ITGA1: variants seen among roughly 807,000 people sequenced by gnomAD.
ITGA1 encodes integrin alpha-1.
Under a neutral mutation model 145.9 loss-of-function variants are expected in ITGA1, and 85 were observed. The observed-to-expected ratio is 0.58, with a 90% CI of 0.49 to 0.70. The LOEUF is 0.70. ITGA1 is among the 30% of genes least tolerant of loss of function. The probability of loss-of-function intolerance (pLI) is 0.00; values close to 1 mark genes in which losing one functional copy is unlikely to be tolerated. For missense variants in ITGA1, 1,351 were observed against 1,418.7 expected (o/e 0.95, Z 0.77); for synonymous variants, 520 against 495.3 (o/e 1.05, Z -0.66).
intron 24 of ITGA1, among the ~76,000 whole-genome samples, chr5:52,938,892 ATTTTTGTTG>A (rs1248021214): frequency 6.6e-6 from 1 of 150,472 alleles, no homozygotes; most frequent in East Asian, 2.0e-4. Context: ...TTGAACAAGT[ATTTTTGTTG>A]TTTTTGTTTC....
chr5:52,906,036 T>G (rs1156877419), intron 12 of ITGA1, 128 bp downstream of exon 12: 2 of 721,526 alleles, frequency 2.8e-6, no homozygotes, highest in Admixed American at 2.8e-5. Flanking sequence ...CAGGGCCCTG[T>G]GTTAGGTTCT....
At chr5:52,884,466 A>T (rs1363542402) in intron 7 of ITGA1, among the ~76,000 whole-genome samples, 2 of 148,230 alleles carry the variant, frequency 1.3e-5, no homozygotes, top group Admixed American at 6.7e-5. Flanking sequence ...AAAAAAAGCC[A>T]GAAAATCTAC....
rs1459469285 is a variant in ITGA1 at position 52,955,042 on chromosome 5, G to A, written c.*2591G>A. On this transcript the variant is annotated 3_prime_UTR_variant, in exon 29 of 29. Transcript: ENST00000282588. The stretch of plus-strand genomic sequence containing the variant: ...AAAAGTTTCTTTTTCTCTAACTTTG[G>A]TATTCTAAATAATTGATTATTGCTC... The A allele has an allele frequency of 4.6e-5, 7 of 151,722 alleles. No homozygotes were observed. The highest frequency in any genetic ancestry group is 1.7e-4 in the African/African-American group (7 of 41,234). The allele number at this position is 151,722 out of a possible 1,614,324, so 9.4% of individuals were successfully genotyped here.
At position 52,954,858 on chromosome 5, in the gene ITGA1, A is replaced by G. The variant is rs996293709; in HGVS notation, c.*2407A>G. 6.6e-6 allele frequency: 1 copy of G among 152,210 alleles called. No homozygotes were observed. The highest frequency in any genetic ancestry group is 1.5e-5 in the Non-Finnish European group (1 of 68,034). 9.4% of individuals were successfully genotyped at this position (152,210 alleles called of 1,614,324 possible). ...AACAAGTACAGAGCGTTTGATTAAAAAAAGTCAACAAATGTTTCAAAACAG... is the reference window on the plus strand; with the variant it reads ...AACAAGTACAGAGCGTTTGATTAAAGAAAGTCAACAAATGTTTCAAAACAG... On this transcript the variant is annotated 3_prime_UTR_variant, in exon 29 of 29. Coordinates refer to ENST00000282588, the MANE Select transcript of ITGA1 (RefSeq NM_181501.2).
intron 1 of ITGA1, among the ~76,000 whole-genome samples, chr5:52,819,980 C>CCT (rs1561217889): frequency 1.3e-5 from 2 of 152,030 alleles, no homozygotes; most frequent in African/African-American, 2.4e-5. Context: ...ATTTCTGAGG[C>CCT]CTCTGTTCTG....
intron 3 of ITGA1, among the ~76,000 whole-genome samples, chr5:52,862,993 T>A (rs888069593): frequency 1.3e-5 from 2 of 152,214 alleles, no homozygotes; most frequent in African/African-American, 4.8e-5. Context: ...CAACATCACT[T>A]TCCATTTATT....
intron 15 of ITGA1, among the ~76,000 whole-genome samples, chr5:52,915,908 T>C (rs1051977586): frequency 2.0e-5 from 3 of 152,178 alleles, no homozygotes; most frequent in Non-Finnish European, 4.4e-5. Flanking sequence ...CAAGAAAATA[T>C]CCCTAATATT....
At chr5:52,945,283 A>T (rs1480051008) in intron 27 of ITGA1, among the ~76,000 whole-genome samples, 3 of 152,146 alleles carry the variant, frequency 2.0e-5, no homozygotes, top group African/African-American at 7.2e-5. Flanking sequence ...ATCACTTATA[A>T]CTATCACGGT....
At chr5:52,834,560 G>GAGAGAGAGAAGAAAGAA (rs1554042407) in intron 1 of ITGA1, among the ~76,000 whole-genome samples, 2 of 130,690 alleles carry the variant, frequency 1.5e-5, no homozygotes, top group Admixed American at 7.6e-5. Flanking sequence ...GAAAGAGAGA[G>GAGAGAGAGAAGAAAGAA]AGAAAGAGAG....
chr5:52,908,735 AAG>A (rs1168630903), intron 12 of ITGA1, among the ~76,000 whole-genome samples, 161 bp from the exon 13 acceptor site: 1 of 152,174 alleles, frequency 6.6e-6, no homozygotes, highest in Non-Finnish European at 1.5e-5. Flanking sequence ...ATCCTCATGA[AAG>A]AGCCAATAAA....
rs1446407986 is a variant in ITGA1, at chr5:52,797,952, T to C, written c.61+9538T>C. On this transcript the variant is annotated intron_variant, in intron 1 of 28. Coordinates refer to ENST00000282588, the MANE Select transcript of ITGA1 (RefSeq NM_181501.2). ...GTGGCTTTTAATCTTTGGCAGACTA[T>C]GGGAAAGATAAATTGTACTTAGAAA... Among the ~76,000 whole-genome samples the C allele has an allele frequency of 2.6e-5, 4 of 152,308 alleles. No homozygotes were observed. In the East Asian group the frequency reaches 5.8e-4, roughly 22 times the overall value.
rs761956230 is a variant in ITGA1 at position 52,952,395 on chromosome 5, T to A, written c.3496-12T>A. ...ATAGTTAATTGTGTTATGTTTTGTG[T>A]TTTCTCAACAGATTGGATTCTTCAA... On this transcript the variant is annotated splice_polypyrimidine_tract_variant and intron_variant, in intron 28 of 28. Coordinates refer to ENST00000282588, the MANE Select transcript of ITGA1 (RefSeq NM_181501.2). 2 of 1,399,732 alleles carry A rather than the reference T, an allele frequency of 1.4e-6. No individual in the cohort carries two copies. Among genetic ancestry groups the A allele is most frequent in the South Asian group, 2.7e-5 (2 of 75,148 alleles). 86.7% of individuals were successfully genotyped at this position (1,399,732 alleles called of 1,614,324 possible). A position where few individuals can be genotyped will look rare whatever the true frequency, so the allele number is the denominator to read the frequency against.
intron 13 of ITGA1, 91 bp downstream of exon 13, chr5:52,909,132 A>G: frequency 1.5e-6 from 2 of 1,344,618 alleles, no homozygotes; most frequent in South Asian, 2.7e-5. Context: ...ACTCACTTTG[A>G]AAAAACAGAG....
At chr5:52,852,403 C>G (rs934832703) in intron 2 of ITGA1, among the ~76,000 whole-genome samples, 3 of 151,986 alleles carry the variant, frequency 2.0e-5, no homozygotes, top group African/African-American at 7.3e-5. Flanking sequence ...AAGGGATGAG[C>G]CTTCAGGCTG....
At chr5:52,797,628 T>C (rs1384810358) in intron 1 of ITGA1, among the ~76,000 whole-genome samples, 1 of 152,136 alleles carries the variant, frequency 6.6e-6, no homozygotes, top group East Asian at 1.9e-4. Context: ...CAGTGGATAA[T>C]AGCACATAAT....
chr5:52,921,240 G>C (rs1381374468), intron 17 of ITGA1, among the ~76,000 whole-genome samples: 1 of 152,164 alleles, frequency 6.6e-6, no homozygotes, highest in African/African-American at 2.4e-5. Context: ...TTAAGACTTA[G>C]AGACTTGACG....
In ITGA1 at chr5:52,910,343, C is replaced by T. The variant is rs745723523; in HGVS notation, c.1781C>T (p.Pro594Leu). ...DGFNDIVIGA[P>L]LEDDHGGAVY... Reference sequence around the variant, plus strand: ...TTTAATGACATCGTGATAGGAGCTCCGCTGGAAGATGATCACGGGGGAGCT... The same window carrying T: ...TTTAATGACATCGTGATAGGAGCTCTGCTGGAAGATGATCACGGGGGAGCT... Residue 594 changes from proline (P) to leucine (L), a missense_variant, in exon 14 of 29, where the codon CCG becomes CTG. Pro to Leu is a moderately conservative substitution (Grantham distance 98). Transcript: ENST00000282588. 4.3e-6 allele frequency: 7 copies of T among 1,613,652 alleles called. No individual in the cohort carries two copies. The highest frequency in any genetic ancestry group is 5.9e-6 in the Non-Finnish European group (7 of 1,179,876).
rs770686097 is a variant in ITGA1, at chr5:52,920,312, AT to A, written c.2156-14del. Reference sequence around the variant, plus strand: ...CTTCAAATAAACATTTCCATCAATTATTTTTTAAAATTTTTGTAGATTTGCA... The same window carrying A: ...CTTCAAATAAACATTTCCATCAATTATTTTTAAAATTTTTGTAGATTTGCA... On this transcript the variant is annotated intron_variant, in intron 16 of 28. Coordinates refer to ENST00000282588, the MANE Select transcript of ITGA1 (RefSeq NM_181501.2). 49 of 1,555,702 alleles carry A rather than the reference AT, an allele frequency of 3.1e-5. No individual in the cohort carries two copies. The South Asian group carries it at 4.5e-4, about 14-fold the overall frequency.
At chr5:52,831,709 A>G (rs1054097232) in intron 1 of ITGA1, among the ~76,000 whole-genome samples, 4 of 151,904 alleles carry the variant, frequency 2.6e-5, no homozygotes, top group African/African-American at 9.7e-5. Context: ...GAGGGCAGAG[A>G]CAATATATTT....
Sources: gnomAD v4.1 joint callset for allele counts (sites outside exome capture counted in the v4.1 genomes callset) on GRCh38, gnomAD v4.1.1 for gene constraint, MANE v1.5 for transcripts, NCBI Gene and HGNC (gene_info 2026-07-23, HGNC 2026-07-21) for gene names.